PSTPIP1: variants seen among roughly 807,000 people sequenced by gnomAD.
The protein encoded by PSTPIP1 is proline-serine-threonine phosphatase-interacting protein 1.
A neutral mutation model predicts 69.6 loss-of-function variants in PSTPIP1; 66 were observed. The ratio of observed to expected loss-of-function variants is 0.95; its 90% CI spans 0.78 to 1.16. The LOEUF (loss-of-function observed/expected upper bound fraction) is 1.16. Ranked by LOEUF, PSTPIP1 falls within the 50% of genes most tolerant of loss-of-function variation. The pLI, the probability that PSTPIP1 is intolerant of heterozygous loss-of-function variation, is 0.00. For missense variants in PSTPIP1, 603 were observed against 557.4 expected (o/e 1.08, Z -0.82); for synonymous variants, 266 against 222.7 (o/e 1.19, Z -1.73).
At chr15:77,035,691 G>C (rs1025341435) in intron 13 of PSTPIP1, 111 bp from the exon 14 acceptor site, 4 of 1,478,738 alleles carry the variant, frequency 2.7e-6, no homozygotes, top group Non-Finnish European at 2.7e-6. Flanking sequence ...AGCAAGTGTG[G>C]ACAGCAGAAG....
rs2076323577 is a variant in PSTPIP1, at chr15:77,028,000, G to C, written c.417+86G>C. 3.2e-6 allele frequency: 4 copies of C among 1,266,816 alleles called. No homozygotes were observed. The highest frequency in any genetic ancestry group is 4.5e-6 in the Non-Finnish European group (4 of 892,704). 78.5% of individuals were successfully genotyped at this position (1,266,816 alleles called of 1,614,324 possible). On this transcript the variant is annotated intron_variant, in intron 6 of 14. Coordinates refer to ENST00000558012, the MANE Select transcript of PSTPIP1 (RefSeq NM_003978.5). The surrounding 1 kb of genome is among the most constrained non-coding windows in gnomAD (Gnocchi z 4.3). ...CGATCCTGGGCTGTGGCCCCGGGCA[G>C]GGCATTTGGAACAGGCTGACCTCAG...
In PSTPIP1 at chr15:77,031,551, C is replaced by T. The variant is rs79732372; in HGVS notation, c.741+273C>T. 0.015 allele frequency: 4,981 copies of T among 341,868 alleles called. 145 individuals are homozygous for T. Among genetic ancestry groups the T allele is most frequent in the African/African-American group, 0.075 (3,526 of 47,032 alleles). The allele number at this position is 341,868 out of a possible 1,614,324, so 21.2% of individuals were successfully genotyped here. A position where few individuals can be genotyped will look rare whatever the true frequency, so the allele number is the denominator to read the frequency against. Reference sequence around the variant, plus strand: ...TGCCTCAGAGCCACAGAGCACCTGCCCCCTCTGCCGGGGATGGGAGGGGAG... The same window carrying T: ...TGCCTCAGAGCCACAGAGCACCTGCTCCCTCTGCCGGGGATGGGAGGGGAG... On this transcript the variant is annotated intron_variant, in intron 10 of 14. Transcript: ENST00000558012.
chr15:77,010,778 C>T (rs1011104672), intron 1 of PSTPIP1, among the ~76,000 whole-genome samples: 1 of 151,958 alleles, frequency 6.6e-6, no homozygotes, highest in Non-Finnish European at 1.5e-5. Context: ...CTCCGAGTAG[C>T]GGGGATTACA....
intron 1 of PSTPIP1, among the ~76,000 whole-genome samples, chr15:77,009,272 T>C (rs1460063862): frequency 1.3e-5 from 2 of 152,158 alleles, no homozygotes; most frequent in Admixed American, 6.5e-5. Flanking sequence ...CTCCAGAGGC[T>C]GCAGGGGTCC....
chr15:77,017,563 C>T (rs944357223), intron 1 of PSTPIP1, among the ~76,000 whole-genome samples: 8 of 152,206 alleles, frequency 5.3e-5, no homozygotes, highest in Non-Finnish European at 7.3e-5. Flanking sequence ...GAGAGCCCAG[C>T]GCAGCATCTG....
At chr15:77,030,847 C>T (rs1331481969) in intron 9 of PSTPIP1, among the ~76,000 whole-genome samples, 2 of 152,240 alleles carry the variant, frequency 1.3e-5, no homozygotes, top group African/African-American at 4.8e-5. Flanking sequence ...GGACTAAACC[C>T]ACAGCCTCTC....
intron 12 of PSTPIP1, among the ~76,000 whole-genome samples, chr15:77,035,033 C>T (rs748770246): frequency 2.0e-5 from 3 of 152,194 alleles, no homozygotes; most frequent in Non-Finnish European, 4.4e-5. Flanking sequence ...CTCAGCAGGG[C>T]ACGTGAGCCA....
rs2075550781 is a variant in PSTPIP1, at chr15:76,995,292, G to T, written c.-282G>T. The T allele has an allele frequency of 1.4e-5, 19 of 1,355,312 alleles. No homozygotes were observed. The Admixed American group carries it at 3.1e-4, about 22-fold the overall frequency. 84.0% of individuals were successfully genotyped at this position (1,355,312 alleles called of 1,614,324 possible). On this transcript the variant is annotated 5_prime_UTR_variant, in exon 1 of 15. Transcript: ENST00000558012. ...CCTCCATCACCGCAGGGTCGGTGAGGGGCTGGGCTGGACACCAGGGCCCGC... is the reference window on the plus strand; with the variant it reads ...CCTCCATCACCGCAGGGTCGGTGAGTGGCTGGGCTGGACACCAGGGCCCGC...
chr15:77,003,013 T>C (rs2075741971), intron 1 of PSTPIP1, among the ~76,000 whole-genome samples: 1 of 152,184 alleles, frequency 6.6e-6, no homozygotes, highest in African/African-American at 2.4e-5. Context: ...GACAGTTTTC[T>C]GGCCCAGAGC....
intron 1 of PSTPIP1, among the ~76,000 whole-genome samples, chr15:77,017,745 G>T (rs1365844810): frequency 6.6e-6 from 1 of 152,192 alleles, no homozygotes. Flanking sequence ...CCTACACCTC[G>T]GTTTCCCCAC....
At chr15:77,002,591 G>A (rs892167386) in intron 1 of PSTPIP1, among the ~76,000 whole-genome samples, 5 of 152,200 alleles carry the variant, frequency 3.3e-5, no homozygotes, top group African/African-American at 9.7e-5. Context: ...CAAGAACTTC[G>A]TTCATCTGTG....
chr15:77,037,068 C>G lies in PSTPIP1; in HGVS notation c.1143C>G (p.Ser381=). Residue 381 remains serine (S), a synonymous_variant, in exon 15 of 15, where the codon TCC becomes TCG. Coordinates refer to ENST00000558012, the MANE Select transcript of PSTPIP1 (RefSeq NM_003978.5). ...TAQNPDELDL[S]AGDILEVILE... is the part of the protein sequence containing the mutation. ...AGAACCCAGATGAGCTGGACCTGTC[C>G]GCGGGAGACATCCTGGAGGTGATCC... The G allele has an allele frequency of 1.9e-6, 3 of 1,612,244 alleles. No homozygotes were observed. The highest frequency in any genetic ancestry group is 2.5e-6 in the Non-Finnish European group (3 of 1,179,642).
chr15:76,995,558 C>T lies in PSTPIP1; in HGVS notation c.-16C>T, dbSNP rs372407300. ...TGTGGCAGGAGAGTGAGCTTTGCCG[C>T]GGCAGACGCCTGAGGATGATGCCCC... On this transcript the variant is annotated 5_prime_UTR_variant, in exon 1 of 15. Coordinates refer to ENST00000558012, the MANE Select transcript of PSTPIP1 (RefSeq NM_003978.5). The T allele has an allele frequency of 1.0e-4, 169 of 1,613,856 alleles. No homozygotes were observed. Among genetic ancestry groups the T allele is most frequent in the South Asian group, 9.9e-4 (90 of 91,088 alleles).
Position 77,037,433 on chromosome 15 carries a change from G to A in PSTPIP1, c.*257G>A. On this transcript the variant is annotated 3_prime_UTR_variant, in exon 15 of 15. Coordinates refer to ENST00000558012, the MANE Select transcript of PSTPIP1 (RefSeq NM_003978.5). ...ACAAGGGAAGGAGCCTGGATGTGGA[G>A]CTCCCCAACTCAGCCGAGGCTTCAG... is the stretch of plus-strand genomic sequence containing the variant. 1 of 386,766 alleles carries A rather than the reference G, an allele frequency of 2.6e-6. No individual in the cohort carries two copies. The highest frequency in any genetic ancestry group is 5.4e-5 in the East Asian group (1 of 18,518). 24.0% of individuals were successfully genotyped at this position (386,766 alleles called of 1,614,324 possible).
chr15:77,035,818 G>A lies in PSTPIP1; in HGVS notation c.1002G>A (p.Leu334=). The change falls in exon 14 of 15, where the codon CTG becomes CTA. Residue 334 remains leucine, a synonymous_variant. Coordinates refer to ENST00000558012, the MANE Select transcript of PSTPIP1 (RefSeq NM_003978.5). ...TGCTCTTAGCGTCCACAGAGACCCT[G>A]ACCCCCACCCCCGAGCGGAATGAGG... ...LAASAASTET[L]TPTPERNEGV... 2.5e-6 allele frequency: 4 copies of A among 1,608,856 alleles called. No homozygotes were observed. The highest frequency in any genetic ancestry group is 2.2e-5 in the South Asian group (2 of 91,008).
At position 77,032,191 on chromosome 15, in the gene PSTPIP1, C is replaced by T. The variant is rs549927125; in HGVS notation, c.742-107C>T. 1.8e-5 allele frequency: 20 copies of T among 1,136,270 alleles called. No individual in the cohort carries two copies. The South Asian group carries it at 2.6e-4, about 15-fold the overall frequency. 70.4% of individuals were successfully genotyped at this position (1,136,270 alleles called of 1,614,324 possible). A position where few individuals can be genotyped will look rare whatever the true frequency, so the allele number is the denominator to read the frequency against. ...AGGATCAAAGACCCCGAGCCGCGCA[C>T]AATGGCCTGTGAGGAGGCCGGTGGG... On this transcript the variant is annotated intron_variant, in intron 10 of 14. Coordinates refer to ENST00000558012, the MANE Select transcript of PSTPIP1 (RefSeq NM_003978.5).
intron 1 of PSTPIP1, among the ~76,000 whole-genome samples, chr15:77,004,282 T>A (rs2075771530): frequency 6.6e-6 from 1 of 152,102 alleles, no homozygotes; most frequent in African/African-American, 2.4e-5. Flanking sequence ...CACTGAGCAA[T>A]GGGTGATGGA....
chr15:77,008,098 C>T (rs1295060579), intron 1 of PSTPIP1: 7 of 455,338 alleles, frequency 1.5e-5, no homozygotes, highest in Non-Finnish European at 3.1e-5. Flanking sequence ...GGCGGGAGAT[C>T]AGCACAGAAG....
At chr15:77,022,329 G>A (rs1262155378) in intron 3 of PSTPIP1, among the ~76,000 whole-genome samples, 1 of 152,212 alleles carries the variant, frequency 6.6e-6, no homozygotes, top group African/African-American at 2.4e-5. Context: ...ACACAGTGGG[G>A]TCAGAGCAGG....
Sources: allele counts gnomAD v4.1 joint callset (sites outside exome capture counted in the v4.1 genomes callset), GRCh38; gene constraint gnomAD v4.1.1; non-coding constraint Gnocchi (gnomAD v3.1); transcripts MANE v1.5; gene names NCBI Gene and HGNC (gene_info 2026-07-23, HGNC 2026-07-21).